Variants in PMFBP1 observed in about 807,000 individuals in gnomAD.
The protein encoded by PMFBP1 is polyamine-modulated factor 1-binding protein 1.
A neutral mutation model predicts 137.8 loss-of-function variants in PMFBP1; 131 were observed. That is an observed-to-expected ratio of 0.95 (90% confidence interval 0.82 to 1.10). PMFBP1 has a LOEUF of 1.10. PMFBP1 is among the 50% of genes least tolerant of loss of function. The probability of loss-of-function intolerance (pLI) is 0.00; values close to 1 mark genes in which losing one functional copy is unlikely to be tolerated. For missense variants in PMFBP1, 1,199 were observed against 1,175.4 expected, an observed-to-expected ratio of 1.02 and a Z score of -0.29; for synonymous variants, 490 against 450.4, an observed-to-expected ratio of 1.09 and a Z score of -1.11.
At chr16:72,122,222 T>C (rs1156837286) in intron 19 of PMFBP1, among the ~76,000 whole-genome samples, 1 of 152,220 alleles carries the variant, frequency 6.6e-6, no homozygotes. Context: ...CACAAAGAAA[T>C]GATCTCATTC....
At position 72,136,669 on chromosome 16, in the gene PMFBP1, C is replaced by T. The variant is rs745523291; in HGVS notation, c.1045+24G>A. 3 of 1,614,130 alleles carry T rather than the reference C, an allele frequency of 1.9e-6. No individual in the cohort carries two copies. The East Asian group carries it at 6.7e-5, about 36-fold the overall frequency. The stretch of plus-strand genomic sequence containing the variant: ...GTTAGGCTTCCTTCTGGCTCCCCTG[C>T]CACAGCCTGCAGCCCCAGTTTACCC... On this transcript the variant is annotated intron_variant, in intron 8 of 20. Transcript: ENST00000237353.
chr16:72,159,905 G>A (rs2043037038), intron 3 of PMFBP1, among the ~76,000 whole-genome samples: 1 of 151,866 alleles, frequency 6.6e-6, no homozygotes, highest in Non-Finnish European at 1.5e-5. Context: ...CGTTGGAAAT[G>A]ATTTTACAGA....
Position 72,123,615 on chromosome 16 carries a change from T to C in PMFBP1, c.2624A>G (p.Asp875Gly). ...CCLPQWSVPK[D>G]TCRLYRGNDQ... Reference sequence around the variant, plus strand: ...ATTCCCTCGGTAGAGCCTACAGGTGTCTTTGGGCACAGACCACTGGGGCAG... The same window carrying C: ...ATTCCCTCGGTAGAGCCTACAGGTGCCTTTGGGCACAGACCACTGGGGCAG... Residue 875 changes from aspartate (D) to glycine (G), a missense_variant, in exon 18 of 21, where the codon GAC (aspartate) becomes GGC (glycine). By Grantham distance (94) the Asp-to-Gly change is moderately conservative. Transcript: ENST00000237353. 6.2e-7 allele frequency: 1 copy of C among 1,614,008 alleles called. No homozygotes were observed. The highest frequency in any genetic ancestry group is 2.2e-5 in the East Asian group (1 of 44,872).
At chr16:72,223,108 G>A in the PMFBP1 span, among the ~76,000 whole-genome samples, 2 of 152,132 alleles carry the variant, frequency 1.3e-5, no homozygotes, top group African/African-American at 2.4e-5. Flanking sequence ...GCAAGAACTG[G>A]GGGGAAGTTT....
intron 6 of PMFBP1, among the ~76,000 whole-genome samples, chr16:72,139,626 C>G (rs2042685496): frequency 6.6e-6 from 1 of 152,182 alleles, no homozygotes; most frequent in African/African-American, 2.4e-5. Context: ...AATGCCCACC[C>G]TTGCACTCTC....
intron 5 of PMFBP1, among the ~76,000 whole-genome samples, chr16:72,141,480 C>T (rs2144356270): frequency 6.6e-6 from 1 of 152,274 alleles, no homozygotes; most frequent in Middle Eastern, 3.4e-3. Context: ...AGATGACAGT[C>T]TGTGCATATT....
the PMFBP1 span, among the ~76,000 whole-genome samples, chr16:72,202,344 A>C: frequency 1.3e-5 from 2 of 151,974 alleles, no homozygotes; most frequent in Admixed American, 1.3e-4. Context: ...CTCTTTTTAA[A>C]ATTTTATTTT....
chr16:72,209,229 C>A, the PMFBP1 span, among the ~76,000 whole-genome samples: 1 of 152,252 alleles, frequency 6.6e-6, no homozygotes, highest in Non-Finnish European at 1.5e-5. Flanking sequence ...TGTATCTCTA[C>A]TCCAAGCATC....
the PMFBP1 span, among the ~76,000 whole-genome samples, chr16:72,225,526 TA>T: frequency 6.6e-6 from 1 of 151,676 alleles, no homozygotes; most frequent in African/African-American, 2.4e-5. Flanking sequence ...CCCATGTCTT[TA>T]CACGGGGTCT....
the PMFBP1 span, among the ~76,000 whole-genome samples, chr16:72,234,606 T>G: frequency 6.6e-6 from 1 of 152,150 alleles, no homozygotes; most frequent in African/African-American, 2.4e-5. Context: ...AAAGGGAATT[T>G]CCCCAGTGTC....
At chr16:72,217,512 A>T in the PMFBP1 span, among the ~76,000 whole-genome samples, 2 of 152,212 alleles carry the variant, frequency 1.3e-5, no homozygotes, top group Non-Finnish European at 2.9e-5. Context: ...GGCTACAGAC[A>T]CAACATGCTT....
At chr16:72,137,053 A>T (rs149134863) in intron 7 of PMFBP1, among the ~76,000 whole-genome samples, 23 of 152,346 alleles carry the variant, frequency 1.5e-4, no homozygotes, top group African/African-American at 5.5e-4. Flanking sequence ...CCTTGTGAAT[A>T]TACTAAAAAC....
chr16:72,243,169 G>A, the PMFBP1 span, among the ~76,000 whole-genome samples: 1 of 152,218 alleles, frequency 6.6e-6, no homozygotes, highest in Non-Finnish European at 1.5e-5. Context: ...GTGTACTTAG[G>A]TGGATCTTCC....
intron 3 of PMFBP1, among the ~76,000 whole-genome samples, chr16:72,163,791 G>T (rs1017331778): frequency 3.3e-5 from 5 of 152,308 alleles, no homozygotes; most frequent in Non-Finnish European, 7.3e-5. Context: ...TGGAATTGGA[G>T]ACTATTATTC....
In PMFBP1 at chr16:72,150,751, C is replaced by T. The variant is rs751072461; in HGVS notation, c.493G>A (p.Ala165Thr). ...EKLHLAQEQLALAGDKIASLE... is the reference protein window; with the variant it reads ...EKLHLAQEQLTLAGDKIASLE... ...GAGGCGATCTTGTCCCCGGCCAAGG[C>T]GAGTTGCTCCTGCGCCAAATGGAGC... Residue 165 changes from alanine to threonine, a missense_variant, in exon 5 of 21, where the codon GCC becomes ACC. Coordinates refer to ENST00000237353, the MANE Select transcript of PMFBP1 (RefSeq NM_031293.3). 1.4e-5 allele frequency: 22 copies of T among 1,614,158 alleles called. No homozygotes were observed. Among genetic ancestry groups the T allele is most frequent in the Admixed American group, 6.7e-5 (4 of 60,024 alleles).
chr16:72,126,424 A>G (rs937378099), intron 14 of PMFBP1, among the ~76,000 whole-genome samples: 3 of 152,228 alleles, frequency 2.0e-5, no homozygotes, highest in African/African-American at 7.2e-5. Context: ...AGTCCCTTTC[A>G]CATACTCTGC....
At chr16:72,241,769 G>A in the PMFBP1 span, among the ~76,000 whole-genome samples, 17 of 152,150 alleles carry the variant, frequency 1.1e-4, no homozygotes, top group African/African-American at 4.1e-4. Context: ...TTTTTCAAAT[G>A]TAAGTTTGTA....
At chr16:72,205,580 A>G in the PMFBP1 span, among the ~76,000 whole-genome samples, 2 of 152,208 alleles carry the variant, frequency 1.3e-5, no homozygotes, top group Admixed American at 1.3e-4. Flanking sequence ...ACAAAAGGGT[A>G]TGATGCCAGG....
the PMFBP1 span, among the ~76,000 whole-genome samples, chr16:72,243,239 T>A: frequency 3.3e-5 from 5 of 152,214 alleles, no homozygotes; most frequent in African/African-American, 1.2e-4. Context: ...TTCCATCTGT[T>A]TAGCAATAAT....
Sources: gnomAD v4.1 joint callset for allele counts (sites outside exome capture counted in the v4.1 genomes callset) on GRCh38, gnomAD v4.1.1 for gene constraint, MANE v1.5 for transcripts, NCBI Gene and HGNC (gene_info 2026-07-23, HGNC 2026-07-21) for gene names.